Variants in DHX8 observed in about 807,000 individuals in gnomAD.
The protein encoded by DHX8 is DEAH-box helicase 8.
A neutral mutation model predicts 140.7 loss-of-function variants in DHX8; 67 were observed. The ratio of observed to expected loss-of-function variants is 0.48; its 90% CI spans 0.39 to 0.58. DHX8 has a LOEUF of 0.58. Among genes scored for constraint, DHX8 ranks in the 20% least tolerant of loss-of-function variants. The pLI is 0.00. For synonymous variants in DHX8, 533 were observed against 553.2 expected (o/e 0.96, Z 0.51); for missense variants, 887 against 1,550.7 (o/e 0.57, Z 7.19).
At position 43,525,287 on chromosome 17, in the gene DHX8, T is replaced by G. The variant is rs1970574945; in HGVS notation, c.*1440T>G. The G allele has an allele frequency of 1.0e-6, 1 of 985,334 alleles. No homozygotes were observed. The highest frequency in any genetic ancestry group is 1.7e-5 in the African/African-American group (1 of 57,236). The allele number at this position is 985,334 out of a possible 1,614,324, so 61.0% of individuals were successfully genotyped here. On this transcript the variant is annotated 3_prime_UTR_variant, in exon 23 of 23. Coordinates refer to ENST00000262415, the MANE Select transcript of DHX8 (RefSeq NM_004941.3). ...GAAGTGATGTAAATGCTAGAACTAC[T>G]GTAGAACTGTATGCCAGACACTAAG...
Position 43,538,658 on chromosome 17 carries a change from G to C in DHX8, c.*20+2160G>C, listed in dbSNP as rs570057250. 6.6e-5 allele frequency among the ~76,000 whole-genome samples: 10 copies of C among 152,296 alleles called. 1 individual carries two copies. The South Asian group carries it at 2.1e-3, about 32-fold the overall frequency. On this transcript the variant is annotated intron_variant, in intron 3 of 3. Coordinates refer to the DHX8 transcript ENST00000589898. ...CAGCTAAGAATCTCCCTTGATCCCA[G>C]AGTCTTGGCCCACTTTTGCCCCTCT...
chr17:43,540,959 T>C (rs1279248925), intron 3 of DHX8, among the ~76,000 whole-genome samples: 1 of 152,152 alleles, frequency 6.6e-6, no homozygotes, highest in Non-Finnish European at 1.5e-5. Flanking sequence ...GGTAATGGGC[T>C]GGGGGTATCT....
Position 43,490,471 on chromosome 17 carries a change from G to A in DHX8, c.307+8G>A. 1 of 1,610,430 alleles carries A rather than the reference G, an allele frequency of 6.2e-7. No homozygotes were observed. The highest frequency in any genetic ancestry group is 8.5e-7 in the Non-Finnish European group (1 of 1,177,282). On this transcript the variant is annotated splice_region_variant and intron_variant, in intron 3 of 22. Transcript: ENST00000262415. ...AGCCTTCCACTAGCAAAGGTAAGCA[G>A]AGCTTCCAGCTGAGCTTAGCTTCTA...
chr17:43,528,170 T>C (rs533283267), downstream of DHX8: 3 of 252,990 alleles, frequency 1.2e-5, no homozygotes, highest in East Asian at 1.2e-4. Flanking sequence ...CAGTATGAAG[T>C]TGGGAAGCGC....
intron 17 of DHX8, among the ~76,000 whole-genome samples, chr17:43,515,719 C>A (rs1427264678): frequency 6.6e-6 from 1 of 152,068 alleles, no homozygotes; most frequent in Non-Finnish European, 1.5e-5. Context: ...TGGCGGTGAT[C>A]AAAAAATTAG....
At position 43,525,158 on chromosome 17, in the gene DHX8, C is replaced by A; in HGVS notation, c.*1311C>A. The A allele has an allele frequency of 1.0e-6, 1 of 985,400 alleles. No individual in the cohort carries two copies. The highest frequency in any genetic ancestry group is 5.2e-4 in the Middle Eastern group (1 of 1,914). 61.0% of individuals were successfully genotyped at this position (985,400 alleles called of 1,614,324 possible). A position where few individuals can be genotyped will look rare whatever the true frequency, so the allele number is the denominator to read the frequency against. The stretch of plus-strand genomic sequence containing the variant: ...TTGCCAGGCCAGGTTTCGGAACTTA[C>A]GGAAAGCTGGTCTGGATGTAGTGCT... On this transcript the variant is annotated 3_prime_UTR_variant, in exon 23 of 23. Coordinates refer to ENST00000262415, the MANE Select transcript of DHX8 (RefSeq NM_004941.3).
At chr17:43,533,828 T>C (rs758171529) in intron 2 of DHX8, 18 of 1,604,958 alleles carry the variant, frequency 1.1e-5, no homozygotes, top group Non-Finnish European at 1.5e-5. Context: ...ACCCTTCTCC[T>C]ACCCTTCACC....
Position 43,493,180 on chromosome 17 carries a change from CTT to C in DHX8, c.863+143_863+144del, listed in dbSNP as rs1278633117. 112 of 1,261,934 alleles carry C rather than the reference CTT, an allele frequency of 8.9e-5. No homozygotes were observed. The East Asian group carries it at 2.3e-3, about 26-fold the overall frequency. The allele number at this position is 1,261,934 out of a possible 1,614,324, so 78.2% of individuals were successfully genotyped here. ...CATACATGGTTCTTAGAAATTGACT[CTT>C]TTGAAATGTTACAGAGCCATTTATT... On this transcript the variant is annotated intron_variant, in intron 6 of 22. Coordinates refer to ENST00000262415, the MANE Select transcript of DHX8 (RefSeq NM_004941.3).
rs188316996 is a variant in DHX8, at chr17:43,510,506, T to C, written c.2502+1986T>C. Among the ~76,000 whole-genome samples the C allele has an allele frequency of 7.2e-5, 11 of 152,374 alleles. No individual in the cohort carries two copies. In the East Asian group the frequency reaches 2.1e-3, roughly 29 times the overall value. ...TGTAAACTATGCACATCTTCCTGTG[T>C]GATACTTTATCTCTAGATTACCTAT... On this transcript the variant is annotated intron_variant, in intron 16 of 22. Transcript: ENST00000262415.
intron 17 of DHX8, among the ~76,000 whole-genome samples, chr17:43,514,115 G>A (rs1969991607): frequency 6.6e-6 from 1 of 152,158 alleles, no homozygotes; most frequent in Non-Finnish European, 1.5e-5. Flanking sequence ...GCTGAAGTGG[G>A]AGGATTGCTT....
intron 3 of DHX8, chr17:43,536,620 T>G (rs868528811): frequency 1.5e-6 from 1 of 671,472 alleles, no homozygotes; most frequent in African/African-American, 1.8e-5. Flanking sequence ...ATTGTAAGAA[T>G]TGTCTTGGGC....
rs1970402183 is a variant in DHX8 at position 43,522,123 on chromosome 17, A to G, written c.3340A>G (p.Asn1114Asp). The change falls in exon 22 of 23, where the codon AAT becomes GAT. Residue 1114 changes from asparagine (N) to aspartate (D), a missense_variant. Physicochemically the swap from Asn to Asp is conservative, Grantham distance 23. Coordinates refer to ENST00000262415, the MANE Select transcript of DHX8 (RefSeq NM_004941.3). ...QKAICSGFFR[N>D]AAKKDPQEGY... ...GGCCATCTGCAGTGGGTTCTTCCGT[A>G]ATGCTGCCAAGAAAGACCCGCAGGA... is the stretch of plus-strand genomic sequence containing the variant. The G allele has an allele frequency of 7.4e-6, 12 of 1,614,128 alleles. 1 individual carries two copies. The East Asian group carries it at 2.5e-4, about 33-fold the overall frequency.
At position 43,524,504 on chromosome 17, in the gene DHX8, C is replaced by T; in HGVS notation, c.*657C>T. 1.0e-6 allele frequency: 1 copy of T among 987,016 alleles called. No individual in the cohort carries two copies. The highest frequency in any genetic ancestry group is 1.2e-6 in the Non-Finnish European group (1 of 831,230). The allele number at this position is 987,016 out of a possible 1,614,324, so 61.1% of individuals were successfully genotyped here. A position where few individuals can be genotyped will look rare whatever the true frequency, so the allele number is the denominator to read the frequency against. On this transcript the variant is annotated 3_prime_UTR_variant, in exon 23 of 23. Transcript: ENST00000262415. Reference sequence around the variant, plus strand: ...GTACAACCCAGACTTCCAGCCTTGTCTTTCAGCATCAGCACTAGCCGGGCC... The same window carrying T: ...GTACAACCCAGACTTCCAGCCTTGTTTTTCAGCATCAGCACTAGCCGGGCC...
chr17:43,500,348 A>G (rs1303223920), intron 11 of DHX8, among the ~76,000 whole-genome samples: 1 of 152,060 alleles, frequency 6.6e-6, no homozygotes, highest in East Asian at 1.9e-4. Flanking sequence ...TTAGCCAGGC[A>G]TGGTGGCACA....
chr17:43,519,836 G>A (rs776921923), intron 18 of DHX8: 6 of 252,520 alleles, frequency 2.4e-5, no homozygotes, highest in Non-Finnish European at 4.6e-5. Context: ...AGCTACTTGG[G>A]ATGCTGAGGC....
intron 3 of DHX8, among the ~76,000 whole-genome samples, chr17:43,541,045 C>G (rs920692340): frequency 1.3e-5 from 2 of 152,120 alleles, no homozygotes; most frequent in South Asian, 2.1e-4. Flanking sequence ...TCGGGCCTGA[C>G]AGTTTAACCA....
chr17:43,513,282 T>TA (rs1969942979), intron 16 of DHX8, 80 bp from the exon 17 acceptor site: 1 of 1,465,300 alleles, frequency 6.8e-7, no homozygotes, highest in Non-Finnish European at 9.2e-7. Flanking sequence ...TTTGGGAAGA[T>TA]ATCTGGGTTC....
intron 3 of DHX8, among the ~76,000 whole-genome samples, chr17:43,539,732 C>T (rs1267808946): frequency 1.3e-5 from 2 of 152,210 alleles, no homozygotes; most frequent in Non-Finnish European, 2.9e-5. Context: ...GCAGGCTCCC[C>T]CTCTCCACAC....
At chr17:43,540,164 C>T (rs1971450010) in intron 3 of DHX8, among the ~76,000 whole-genome samples, 1 of 152,162 alleles carries the variant, frequency 6.6e-6, no homozygotes, top group African/African-American at 2.4e-5. Context: ...GTTAAAAACA[C>T]GATTACAGCC....
Sources: allele counts gnomAD v4.1 joint callset (sites outside exome capture counted in the v4.1 genomes callset), GRCh38; gene constraint gnomAD v4.1.1; transcripts MANE v1.5; gene names NCBI Gene and HGNC (gene_info 2026-07-23, HGNC 2026-07-21).